KDM3A: variants seen among roughly 807,000 people sequenced by gnomAD.
KDM3A encodes the protein lysine-specific demethylase 3A.
KDM3A carries 60 observed loss-of-function variants against 158.0 expected under a neutral mutation model. That is an observed-to-expected ratio of 0.38 (90% CI 0.31 to 0.47). The LOEUF (loss-of-function observed/expected upper bound fraction) is 0.47. Ranked by LOEUF, KDM3A falls within the 20% of genes least tolerant of loss-of-function variation. KDM3A has a pLI of 0.99. For missense variants in KDM3A, 1,319 were observed against 1,574.3 expected, an observed-to-expected ratio of 0.84 and a Z score of 2.74; for synonymous variants, 608 against 549.3, an observed-to-expected ratio of 1.11 and a Z score of -1.49.
At chr2:86,442,566 G>A (rs1682777923) in intron 2 of KDM3A, 1 of 204,640 alleles carries the variant, frequency 4.9e-6, no homozygotes, top group Non-Finnish European at 9.9e-6. Flanking sequence ...GGGCCTGTAA[G>A]TGACGTTTGG....
chr2:86,454,699 T>G (rs548062427), intron 4 of KDM3A, among the ~76,000 whole-genome samples: 4 of 152,232 alleles, frequency 2.6e-5, no homozygotes, highest in Admixed American at 6.5e-5. Flanking sequence ...TTTTGTCCCT[T>G]GGATTTGGAT....
chr2:86,463,898 A>G (rs1290517580), intron 8 of KDM3A, among the ~76,000 whole-genome samples, 155 bp from the exon 9 acceptor site: 1 of 152,210 alleles, frequency 6.6e-6, no homozygotes, highest in East Asian at 1.9e-4. Flanking sequence ...CCTGAATTGT[A>G]TAGTTTATCA....
intron 4 of KDM3A, among the ~76,000 whole-genome samples, chr2:86,452,327 G>T (rs1037389283): frequency 1.3e-5 from 2 of 151,892 alleles, no homozygotes; most frequent in African/African-American, 4.8e-5. Flanking sequence ...AGTGCTCTTG[G>T]CTGTGAATTC....
At position 86,449,832 on chromosome 2, in the gene KDM3A, C is replaced by A. The variant is rs747396586; in HGVS notation, c.212C>A (p.Ser71Tyr). 4 of 1,612,416 alleles carry A rather than the reference C, an allele frequency of 2.5e-6. No homozygotes were observed. Among genetic ancestry groups the A allele is most frequent in the Middle Eastern group, 1.7e-4 (1 of 6,036 alleles). ...LKVCVEFDGESWRKRRWIEVY... is the reference protein window; with the variant it reads ...LKVCVEFDGEYWRKRRWIEVY... ...GTGTGTGTGGAATTTGATGGGGAAT[C>A]TTGGAGGAAAAGAAGATGGATAGAA... Residue 71 changes from serine (S) to tyrosine (Y), a missense_variant, in exon 3 of 26, where the codon TCT becomes TAT. Around this residue, in one of 4 missense-constraint regions of KDM3A, gnomAD observed 652 missense variants for 627.2 expected, o/e 1.04. Coordinates refer to ENST00000312912, the MANE Select transcript of KDM3A (RefSeq NM_018433.6).
At chr2:86,440,715 C>A (rs938032239), upstream of KDM3A, 1 of 152,274 alleles carries the variant, frequency 6.6e-6, no homozygotes, top group Non-Finnish European at 1.5e-5. Flanking sequence ...GTTCCACGAT[C>A]AGTACCACGT....
rs1401066227 is a variant in KDM3A at position 86,470,396 on chromosome 2, T to G, written c.1712T>G (p.Phe571Cys). 3 of 1,613,982 alleles carry G rather than the reference T, an allele frequency of 1.9e-6. No individual in the cohort carries two copies. In the Admixed American group the frequency reaches 5.0e-5, roughly 27 times the overall value. The change falls in exon 11 of 26, where the codon TTT (phenylalanine) becomes TGT (cysteine). Residue 571 changes from phenylalanine to cysteine, a missense_variant. Physicochemically the swap from Phe to Cys is radical, Grantham distance 205. Around this residue, in one of 4 missense-constraint regions of KDM3A, gnomAD observed 113 missense variants for 190.5 expected, o/e 0.59. Coordinates refer to ENST00000312912, the MANE Select transcript of KDM3A (RefSeq NM_018433.6). Reference sequence around the variant, plus strand: ...GACTCACCTGTGTTTTGCCGCTTCTTTCACTTCAGGAGGTGAGGCATTTTG... The same window carrying G: ...GACTCACCTGTGTTTTGCCGCTTCTGTCACTTCAGGAGGTGAGGCATTTTG... ...QKDSPVFCRF[F>C]HFRRLQFNKH...
chr2:86,449,456 A>T (rs531523217), intron 2 of KDM3A, among the ~76,000 whole-genome samples: 1 of 152,186 alleles, frequency 6.6e-6, no homozygotes, highest in East Asian at 1.9e-4. Flanking sequence ...TTGAGTTTCA[A>T]ATTTTTGTCT....
intron 11 of KDM3A, among the ~76,000 whole-genome samples, chr2:86,471,788 T>C (rs1673424045): frequency 6.6e-6 from 1 of 152,180 alleles, no homozygotes; most frequent in Non-Finnish European, 1.5e-5. Flanking sequence ...ATAAAGCATG[T>C]GGGTAGCATT....
chr2:86,486,349 A>G (rs142197458), intron 21 of KDM3A, among the ~76,000 whole-genome samples: 15 of 152,330 alleles, frequency 9.8e-5, no homozygotes, highest in African/African-American at 2.9e-4. Flanking sequence ...ACATGACTCA[A>G]TACTCACTGT....
upstream of KDM3A, among the ~76,000 whole-genome samples, chr2:86,439,494 C>A (rs1425809246): frequency 6.6e-6 from 1 of 152,002 alleles, no homozygotes; most frequent in Non-Finnish European, 1.5e-5. Flanking sequence ...GATATCTTTC[C>A]ATCTTTTCTA....
At chr2:86,452,303 T>G (rs1672504068) in intron 4 of KDM3A, among the ~76,000 whole-genome samples, 1 of 151,984 alleles carries the variant, frequency 6.6e-6, no homozygotes, top group Non-Finnish European at 1.5e-5. Context: ...ATAAGCTTCA[T>G]TCGTCTGAGT....
At chr2:86,447,538 C>T (rs995948311) in intron 2 of KDM3A, among the ~76,000 whole-genome samples, 2 of 151,234 alleles carry the variant, frequency 1.3e-5, no homozygotes, top group African/African-American at 4.9e-5. Context: ...ATAAGTGATA[C>T]CTTGATAAGA....
intron 11 of KDM3A, 45 bp from the exon 12 acceptor site, chr2:86,474,731 G>GTGTGTGTGTGTGTACA: frequency 1.2e-6 from 1 of 866,260 alleles, no homozygotes; most frequent in Non-Finnish European, 1.9e-6. Flanking sequence ...GTGTGTGTGT[G>GTGTGTGTGTGTGTACA]TGTGTGTGTG....
At chr2:86,466,226 A>T in intron 9 of KDM3A, 146 bp from the exon 10 acceptor site, 2 of 818,032 alleles carry the variant, frequency 2.4e-6, no homozygotes, top group Non-Finnish European at 3.8e-6. Flanking sequence ...AGCTCACAGA[A>T]ATCTATCCTA....
chr2:86,476,198 T>C (rs74622716), intron 12 of KDM3A, among the ~76,000 whole-genome samples: 1,596 of 152,310 alleles, frequency 0.01, 12 homozygotes, highest in Non-Finnish European at 0.017. Context: ...GAAAGAAAAA[T>C]TCCTAAGTAA....
In KDM3A at chr2:86,480,306, C is replaced by T. The variant is rs762701861; in HGVS notation, c.2456C>T (p.Ser819Phe). The change falls in exon 16 of 26, where the codon TCT (serine) becomes TTT (phenylalanine). Residue 819 changes from serine (S) to phenylalanine (F), a missense_variant. Physicochemically the swap from Ser to Phe is radical, Grantham distance 155 (BLOSUM62 -2). Transcript: ENST00000312912. ...AAGCCTGCCTGTCCAGCCAGCACAT[C>T]TCCTCTAAACTGGCTGGCCGACCTA... ...SMKPACPAST[S>F]PLNWLADLTS... 1.2e-6 allele frequency: 2 copies of T among 1,613,936 alleles called. No individual in the cohort carries two copies. The highest frequency in any genetic ancestry group is 1.7e-6 in the Non-Finnish European group (2 of 1,179,996).
At chr2:86,482,171 T>C in intron 17 of KDM3A, 69 bp downstream of exon 17, 1 of 1,521,254 alleles carries the variant, frequency 6.6e-7, no homozygotes. Context: ...GTAGAGAAGT[T>C]GGAACTGAAA....
chr2:86,456,902 C>T, intron 7 of KDM3A, 25 bp downstream of exon 7: 6 of 1,580,740 alleles, frequency 3.8e-6, no homozygotes, highest in East Asian at 2.2e-5. Context: ...TAAAATCTTT[C>T]TTCTCCTTCC....
At position 86,464,041 on chromosome 2, in the gene KDM3A, G is replaced by C. The variant is rs140478791; in HGVS notation, c.844-12G>C. The C allele has an allele frequency of 1.3e-6, 2 of 1,499,576 alleles. No homozygotes were observed. Among genetic ancestry groups the C allele is most frequent in the South Asian group, 2.6e-5 (2 of 75,812 alleles). The allele number at this position is 1,499,576 out of a possible 1,614,324, so 92.9% of individuals were successfully genotyped here. A position where few individuals can be genotyped will look rare whatever the true frequency, so the allele number is the denominator to read the frequency against. The stretch of plus-strand genomic sequence containing the variant: ...ACTTCCTTTTAATATCTGTTGGTTT[G>C]GTATCTTCTAGGCCTCTCCCAGTAT... On this transcript the variant is annotated splice_polypyrimidine_tract_variant and intron_variant, in intron 8 of 25. Transcript: ENST00000312912.
Sources: gnomAD v4.1 joint callset for allele counts (sites outside exome capture counted in the v4.1 genomes callset) on GRCh38, gnomAD v4.1.1 for gene constraint, gnomAD v4.1.1 regional missense constraint, MANE v1.5 for transcripts, NCBI Gene and HGNC (gene_info 2026-07-23, HGNC 2026-07-21) for gene names.